Variants in CCDC7 observed in about 807,000 individuals in gnomAD.
CCDC7 encodes coiled-coil domain containing 7.
CCDC7 carries 183 observed loss-of-function variants against 196.9 expected under a neutral mutation model. The ratio of observed to expected loss-of-function variants is 0.93; its 90% CI spans 0.82 to 1.05. The LOEUF (loss-of-function observed/expected upper bound fraction) is 1.05, where lower values mean the gene tolerates loss of function less well. Among genes scored for constraint, CCDC7 ranks in the 50% least tolerant of loss-of-function variants. The pLI, the probability that CCDC7 is intolerant of heterozygous loss-of-function variation, is 0.00. For missense variants in CCDC7, 1,540 were observed against 1,482.2 expected (o/e 1.04, Z -0.64); for synonymous variants, 525 against 484.6 (o/e 1.08, Z -1.10).
chr10:32,776,253 C>T (rs1167334578), intron 28 of CCDC7, among the ~76,000 whole-genome samples: 1 of 150,210 alleles, frequency 6.7e-6, no homozygotes, highest in Non-Finnish European at 1.5e-5. Flanking sequence ...GCACAATGTG[C>T]ACATGTACCC....
At chr10:32,726,683 T>A (rs1189125806) in intron 25 of CCDC7, 51 bp from the exon 27 acceptor site, 4 of 1,055,616 alleles carry the variant, frequency 3.8e-6, no homozygotes, top group Non-Finnish European at 5.7e-6. Context: ...AATAGATTTG[T>A]TTTTTCATTT....
At chr10:32,584,568 C>A (rs2059054172) in intron 18 of CCDC7, among the ~76,000 whole-genome samples, 2 of 150,800 alleles carry the variant, frequency 1.3e-5, no homozygotes, top group African/African-American at 4.9e-5. Context: ...CCAGCCTAAC[C>A]AACATGATGA....
intron 13 of CCDC7, among the ~76,000 whole-genome samples, chr10:32,551,211 T>G (rs1190729884): frequency 3.3e-5 from 5 of 152,158 alleles, no homozygotes; most frequent in Non-Finnish European, 7.4e-5. Context: ...TAGCCTTGAA[T>G]TATCTTTTGT....
At chr10:32,627,480 G>T (rs902062263) in intron 18 of CCDC7, among the ~76,000 whole-genome samples, 1 of 151,626 alleles carries the variant, frequency 6.6e-6, no homozygotes, top group Non-Finnish European at 1.5e-5. Context: ...TTTCTTTCTG[G>T]TCTATTTGTA....
intron 32 of CCDC7, among the ~76,000 whole-genome samples, chr10:32,826,907 G>C (rs1040615878): frequency 6.6e-6 from 1 of 152,232 alleles, no homozygotes; most frequent in Non-Finnish European, 1.5e-5. Flanking sequence ...TCGTGGGTTG[G>C]AGCCAATAGT....
chr10:32,703,402 T>G (rs578107827), intron 24 of CCDC7, among the ~76,000 whole-genome samples: 2 of 152,190 alleles, frequency 1.3e-5, no homozygotes, highest in South Asian at 2.1e-4. Flanking sequence ...TCTGATGGGC[T>G]TCCCTTTGTG....
At chr10:32,809,944 C>T (rs1044257874) in intron 30 of CCDC7, among the ~76,000 whole-genome samples, 15 of 149,980 alleles carry the variant, frequency 1.0e-4, no homozygotes, top group Non-Finnish European at 1.6e-4. Context: ...TTTATTGCGG[C>T]ACTATTCACA....
Position 32,816,483 on chromosome 10 carries a change from G to A in CCDC7, c.3181+2030G>A, listed in dbSNP as rs995414663. Among the ~76,000 whole-genome samples the A allele has an allele frequency of 9.8e-5, 15 of 152,348 alleles. 1 individual carries two copies. In the South Asian group the frequency reaches 1.2e-3, roughly 13 times the overall value. On this transcript the variant is annotated intron_variant, in intron 31 of 41. Coordinates refer to ENST00000639629, the Ensembl canonical transcript of CCDC7. Reference sequence around the variant, plus strand: ...TGTCCCTGTCTGACAGCTTTGAAGAGAGTAGTGGTTCTCCTAGCACGCAGC... The same window carrying A: ...TGTCCCTGTCTGACAGCTTTGAAGAAAGTAGTGGTTCTCCTAGCACGCAGC...
chr10:32,652,457 A>G (rs942842261), intron 20 of CCDC7, among the ~76,000 whole-genome samples: 16 of 152,002 alleles, frequency 1.1e-4, no homozygotes, highest in African/African-American at 2.9e-4. Context: ...TTTTGTTGCT[A>G]ATTTTACTGT....
At chr10:32,615,652 T>A (rs1431380043) in intron 18 of CCDC7, among the ~76,000 whole-genome samples, 1 of 152,188 alleles carries the variant, frequency 6.6e-6, no homozygotes, top group Non-Finnish European at 1.5e-5. Context: ...TTGTTTCCTT[T>A]GCTGTACAGA....
intron 11 of CCDC7, among the ~76,000 whole-genome samples, chr10:32,529,199 T>C (rs1484158642): frequency 6.6e-6 from 1 of 151,988 alleles, no homozygotes; most frequent in African/African-American, 2.4e-5. Flanking sequence ...ATTTTTGTAT[T>C]TTTAGTAGAG....
At chr10:32,482,811 C>G (rs1237231512) in intron 8 of CCDC7, among the ~76,000 whole-genome samples, 1 of 152,120 alleles carries the variant, frequency 6.6e-6, no homozygotes. Context: ...ATCCATGTCC[C>G]TACAAAGGAC....
chr10:32,695,784 C>T (rs75140529), intron 24 of CCDC7, among the ~76,000 whole-genome samples: 2,672 of 152,144 alleles, frequency 0.018, 84 homozygotes, highest in African/African-American at 0.061. Context: ...ACAAGGATGC[C>T]GAAAAGGGCA....
intron 21 of CCDC7, among the ~76,000 whole-genome samples, chr10:32,670,794 C>A (rs1480789570): frequency 6.6e-6 from 1 of 151,498 alleles, no homozygotes; most frequent in African/African-American, 2.4e-5. Context: ...TATTGTTTTT[C>A]TAGTATCTAT....
At chr10:32,451,701 T>C in exon 1 of CCDC7, 1 of 1,613,794 alleles carries the variant, frequency 6.2e-7, no homozygotes, top group Non-Finnish European at 8.5e-7. Context: ...GTTCCAGCAT[T>C]AACTACTAAA....
intron 24 of CCDC7, among the ~76,000 whole-genome samples, chr10:32,700,359 G>A (rs1762521): frequency 0.91 from 135,620 of 148,692 alleles, 64,425 homozygotes; most frequent in East Asian, 1. Flanking sequence ...AAGATCAGAT[G>A]GTTGTGGATA....
At chr10:32,734,809 A>G (rs1304417380) in intron 28 of CCDC7, among the ~76,000 whole-genome samples, 1 of 152,038 alleles carries the variant, frequency 6.6e-6, no homozygotes, top group African/African-American at 2.4e-5. Context: ...AGGCAGGAGA[A>G]TTGCTTGAAC....
intron 28 of CCDC7, among the ~76,000 whole-genome samples, chr10:32,759,671 G>T (rs1310936562): frequency 1.3e-5 from 2 of 152,246 alleles, no homozygotes; most frequent in South Asian, 4.1e-4. Flanking sequence ...TACCTTTCAG[G>T]ACATAGGCAT....
chr10:32,683,469 T>A (rs2076087722), intron 21 of CCDC7, among the ~76,000 whole-genome samples: 1 of 152,238 alleles, frequency 6.6e-6, no homozygotes, highest in Non-Finnish European at 1.5e-5. Context: ...TTGCTTTGGC[T>A]ATTTGGGCTC....
Sources: gnomAD v4.1 joint callset for allele counts (sites outside exome capture counted in the v4.1 genomes callset) on GRCh38, gnomAD v4.1.1 for gene constraint, MANE v1.5 for transcripts, NCBI Gene and HGNC (gene_info 2026-07-23, HGNC 2026-07-21) for gene names.